TRAF3IP1: variants seen among roughly 807,000 people sequenced by gnomAD.
The protein encoded by TRAF3IP1 is TRAF3-interacting protein 1.
TRAF3IP1 carries 53 observed loss-of-function variants against 89.9 expected under a neutral mutation model. The ratio of observed to expected loss-of-function variants is 0.59; its 90% CI spans 0.47 to 0.74. The LOEUF (loss-of-function observed/expected upper bound fraction) is 0.74, where lower values mean the gene tolerates loss of function less well. Among genes scored for constraint, TRAF3IP1 ranks in the 30% least tolerant of loss-of-function variants. The probability of loss-of-function intolerance (pLI) is 0.00; values close to 1 mark genes in which losing one functional copy is unlikely to be tolerated. For synonymous variants in TRAF3IP1, 311 were observed against 322.1 expected (o/e 0.97, Z 0.37); for missense variants, 806 against 866.1 (o/e 0.93, Z 0.87).
Position 238,358,053 on chromosome 2 carries a change from A to C in TRAF3IP1, c.1689+1973A>C, listed in dbSNP as rs574703626. ...AAGTGTCTGTATGATTTTCTTTAGG[A>C]TATTGATAAACATCAGACTTAAATT... On this transcript the variant is annotated intron_variant, in intron 15 of 16. Transcript: ENST00000373327. Among the ~76,000 whole-genome samples, 14 of 152,036 alleles carry C rather than the reference A, an allele frequency of 9.2e-5. No homozygotes were observed. The South Asian group carries it at 2.9e-3, about 32-fold the overall frequency.
intron 15 of TRAF3IP1, among the ~76,000 whole-genome samples, chr2:238,364,037 CAT>C (rs1699770782): frequency 6.6e-6 from 1 of 152,166 alleles, no homozygotes; most frequent in African/African-American, 2.4e-5. Context: ...TCGATTTATA[CAT>C]GTTATCATAA....
chr2:238,342,271 G>A (rs1416728625), intron 8 of TRAF3IP1, among the ~76,000 whole-genome samples: 1 of 152,148 alleles, frequency 6.6e-6, no homozygotes, highest in East Asian at 1.9e-4. Context: ...TTACAGGTGT[G>A]AGCCACCGCT....
chr2:238,394,197 A>G (rs1298436601), intron 15 of TRAF3IP1, among the ~76,000 whole-genome samples: 1 of 152,176 alleles, frequency 6.6e-6, no homozygotes, highest in Non-Finnish European at 1.5e-5. Flanking sequence ...CTCCGTTTCA[A>G]AAAAAAGCCT....
intron 8 of TRAF3IP1, among the ~76,000 whole-genome samples, chr2:238,343,793 G>A (rs1291818131): frequency 2.0e-5 from 3 of 151,794 alleles, no homozygotes; most frequent in South Asian, 2.1e-4. Context: ...CTGGGACTAC[G>A]GGTGTGTGTA....
In TRAF3IP1 at chr2:238,389,383, C is replaced by T. The variant is rs1455434463; in HGVS notation, c.1690-8076C>T. Among the ~76,000 whole-genome samples, 6 of 152,124 alleles carry T rather than the reference C, an allele frequency of 3.9e-5. No homozygotes were observed. The East Asian group carries it at 5.8e-4, about 15-fold the overall frequency. ...TCAACCCTCCCCCTCCCAACCCTCC[C>T]GCATTTTGGAGTACTCAGTGTCTAT... On this transcript the variant is annotated intron_variant, in intron 15 of 16. Transcript: ENST00000373327.
chr2:238,342,005 T>G (rs1302624462), intron 8 of TRAF3IP1, among the ~76,000 whole-genome samples: 2 of 152,216 alleles, frequency 1.3e-5, no homozygotes, highest in African/African-American at 4.8e-5. Flanking sequence ...TTATTTCTTT[T>G]TTGAGATGGA....
At chr2:238,333,035 G>C (rs1698206153) in intron 6 of TRAF3IP1, 140 bp downstream of exon 6, 2 of 631,188 alleles carry the variant, frequency 3.2e-6, no homozygotes, top group South Asian at 4.1e-5. Context: ...CATTTTATTT[G>C]GTTGTAAAAG....
At chr2:238,378,029 GT>G (rs1365383707) in intron 15 of TRAF3IP1, among the ~76,000 whole-genome samples, 2 of 151,660 alleles carry the variant, frequency 1.3e-5, no homozygotes, top group African/African-American at 2.4e-5. Flanking sequence ...TTGTTTGTTT[GT>G]TTTTTGTTTG....
chr2:238,349,254 G>T lies in TRAF3IP1; in HGVS notation c.1368-71G>T. 1 of 1,411,222 alleles carries T rather than the reference G, an allele frequency of 7.1e-7. No homozygotes were observed. The highest frequency in any genetic ancestry group is 1.4e-5 in the African/African-American group (1 of 70,698). 87.4% of individuals were successfully genotyped at this position (1,411,222 alleles called of 1,614,324 possible). On this transcript the variant is annotated intron_variant, in intron 11 of 16. Transcript: ENST00000373327. The stretch of plus-strand genomic sequence containing the variant: ...GAGATGAGAGTTAACATTCACCTGG[G>T]CTTTCTTTTCCAGTTTGAAATGTAT...
chr2:238,335,428 T>C (rs1698337165), intron 7 of TRAF3IP1, among the ~76,000 whole-genome samples: 1 of 152,198 alleles, frequency 6.6e-6, no homozygotes, highest in Non-Finnish European at 1.5e-5. Context: ...GGTTACGGGC[T>C]TTTTTGTGTG....
intron 13 of TRAF3IP1, 105 bp from the exon 14 acceptor site, chr2:238,353,068 C>G (rs1400086852): frequency 6.4e-7 from 1 of 1,551,050 alleles, no homozygotes; most frequent in African/African-American, 1.4e-5. Flanking sequence ...AGTTAGTTTT[C>G]TACCTTCGTT....
At chr2:238,343,383 T>C (rs180844194) in intron 8 of TRAF3IP1, among the ~76,000 whole-genome samples, 3 of 152,108 alleles carry the variant, frequency 2.0e-5, no homozygotes, top group South Asian at 2.1e-4. Context: ...CACACCTGGC[T>C]CCTACCCTTT....
rs1039239605 is a variant in TRAF3IP1 at position 238,332,878 on chromosome 2, T to C, written c.970T>C (p.Ser324Pro). The C allele has an allele frequency of 8.7e-6, 14 of 1,612,682 alleles. No individual in the cohort carries two copies. Among genetic ancestry groups the C allele is most frequent in the East Asian group, 4.5e-5 (2 of 44,876 alleles). ...KKLSDGTFKD[S>P]KAETETEIST... ...GTTATCAGATGGAACTTTTAAAGAC[T>C]CCAAGGCTGAAACAGAGGTAAACTT... The change falls in exon 6 of 17, where the codon TCC (serine) becomes CCC (proline). Residue 324 changes from serine to proline, a missense_variant. Ser to Pro is a moderately conservative substitution (Grantham distance 74). Around this residue, in one of 3 missense-constraint regions of TRAF3IP1, gnomAD observed 732 missense variants for 780.5 expected, o/e 0.94. Coordinates refer to ENST00000373327, the MANE Select transcript of TRAF3IP1 (RefSeq NM_015650.4).
chr2:238,358,161 A>T (rs1297899447), intron 15 of TRAF3IP1, among the ~76,000 whole-genome samples: 1 of 149,822 alleles, frequency 6.7e-6, no homozygotes, highest in East Asian at 2.0e-4. Flanking sequence ...CCCAGGCTGG[A>T]GTGCAGTGGC....
chr2:238,341,975 A>C (rs182406825), intron 8 of TRAF3IP1, among the ~76,000 whole-genome samples: 1 of 151,646 alleles, frequency 6.6e-6, no homozygotes, highest in Non-Finnish European at 1.5e-5. Flanking sequence ...TTGCCAATTC[A>C]TAGTCATTTT....
intron 15 of TRAF3IP1, among the ~76,000 whole-genome samples, chr2:238,364,216 A>AG (rs1435618792): frequency 6.6e-6 from 1 of 152,148 alleles, no homozygotes; most frequent in African/African-American, 2.4e-5. Context: ...GCCTCTCTCC[A>AG]GCCTGTCTTT....
chr2:238,375,389 C>A (rs761341034), intron 15 of TRAF3IP1, among the ~76,000 whole-genome samples: 5 of 151,994 alleles, frequency 3.3e-5, no homozygotes, highest in Non-Finnish European at 7.4e-5. Context: ...TGTTATGTAC[C>A]CAGTAGTCAT....
At chr2:238,364,780 A>C (rs990850934) in intron 15 of TRAF3IP1, among the ~76,000 whole-genome samples, 1 of 151,830 alleles carries the variant, frequency 6.6e-6, no homozygotes, top group African/African-American at 2.4e-5. Flanking sequence ...TCTCTTCTCT[A>C]CTTTCTTGAT....
intron 15 of TRAF3IP1, among the ~76,000 whole-genome samples, chr2:238,375,370 C>T (rs1416472515): frequency 1.3e-5 from 2 of 152,180 alleles, no homozygotes; most frequent in Non-Finnish European, 2.9e-5. Context: ...TTTATTTCTG[C>T]CTTCATTTTG....
Sources: gnomAD v4.1 joint callset for allele counts (sites outside exome capture counted in the v4.1 genomes callset) on GRCh38, gnomAD v4.1.1 for gene constraint, gnomAD v4.1.1 regional missense constraint, MANE v1.5 for transcripts, NCBI Gene and HGNC (gene_info 2026-07-23, HGNC 2026-07-21) for gene names.